The following ABCG2 variants were observed in gnomAD, a reference collection of about 807,000 sequenced individuals.
ABCG2 encodes ATP binding cassette subfamily G member 2 (JR blood group), also known as broad substrate specificity ATP-binding cassette transporter ABCG2.
A neutral mutation model predicts 73.5 loss-of-function variants in ABCG2; 80 were observed. That is an observed-to-expected ratio of 1.09 (90% CI 0.91 to 1.31). The LOEUF (loss-of-function observed/expected upper bound fraction) is 1.31, where lower values mean the gene tolerates loss of function less well. Ranked by LOEUF, ABCG2 falls within the 50% of genes most tolerant of loss-of-function variation. The pLI is 0.00. For synonymous variants in ABCG2, 269 were observed against 282.4 expected (o/e 0.95, Z 0.48); for missense variants, 796 against 786.2 (o/e 1.01, Z -0.15).
In ABCG2 at chr4:88,099,310, T is replaced by C. The variant is rs1722223255; in HGVS notation, c.1492+14A>G. 2 of 1,568,276 alleles carry C rather than the reference T, an allele frequency of 1.3e-6. No individual in the cohort carries two copies. Among genetic ancestry groups the C allele is most frequent in the South Asian group, 1.2e-5 (1 of 82,478 alleles). On this transcript the variant is annotated intron_variant, in intron 12 of 15. Coordinates refer to ENST00000237612, the MANE Select transcript of ABCG2 (RefSeq NM_004827.3). ...ACTAAAGACATGTCCTTTTTTGTTT[T>C]GTTACATACTTACCTAACATGAAGT...
rs182362499 is a variant in ABCG2 at position 88,210,337 on chromosome 4, A to G, written c.-20+20657T>C. 1.4e-3 allele frequency among the ~76,000 whole-genome samples: 218 copies of G among 152,068 alleles called. 2 individuals are homozygous for G. The highest frequency in any genetic ancestry group is 5.1e-3 in the African/African-American group (211 of 41,488). ...CCAGTGGCTGGGACTGGAGGCAGGC[A>G]CCATTGTGCCTGGCTAGTAATGCAA... is the stretch of plus-strand genomic sequence containing the variant. On this transcript the variant is annotated intron_variant, in intron 1 of 15. Transcript: ENST00000515655.
chr4:88,131,876 A>T lies in ABCG2; in HGVS notation c.305T>A (p.Leu102Ter). 6.2e-7 allele frequency: 1 copy of T among 1,614,004 alleles called. No homozygotes were observed. Among genetic ancestry groups the T allele is most frequent in the Non-Finnish European group, 8.5e-7 (1 of 1,179,944 alleles). ...TCCATTTATCAGAACATCTCCAGAT[A>T]ATCCACTTGGATCTTTCCTTGCAGC... ...VLAARKDPSG[L>*]SGDVLINGAP... Residue 102 changes from leucine to a stop codon, truncating the protein, a stop_gained, in exon 4 of 16, where the codon TTA (leucine) becomes TAA (stop). Coordinates refer to ENST00000237612, the MANE Select transcript of ABCG2 (RefSeq NM_004827.3). LOFTEE classifies it high-confidence loss of function.
intron 1 of ABCG2, among the ~76,000 whole-genome samples, chr4:88,219,228 CTTTT>C (rs920224259): frequency 6.6e-6 from 1 of 152,200 alleles, no homozygotes; most frequent in Non-Finnish European, 1.5e-5. Context: ...GGAGCCCTTT[CTTTT>C]TTCTCAGTAC....
chr4:88,169,282 G>C (rs1177747725), intron 1 of ABCG2, among the ~76,000 whole-genome samples: 2 of 152,128 alleles, frequency 1.3e-5, no homozygotes, highest in Admixed American at 6.5e-5. Flanking sequence ...CTGACCTCAT[G>C]ATCCACCCGT....
chr4:88,183,462 A>G (rs1265552611), intron 1 of ABCG2, among the ~76,000 whole-genome samples: 1 of 152,146 alleles, frequency 6.6e-6, no homozygotes, highest in African/African-American at 2.4e-5. Flanking sequence ...ATAAATTGGA[A>G]AACCTAGAAG....
chr4:88,108,490 C>T (rs1722908449), intron 9 of ABCG2, among the ~76,000 whole-genome samples: 1 of 152,088 alleles, frequency 6.6e-6, no homozygotes, highest in South Asian at 2.1e-4. Context: ...CAAGATCATA[C>T]CACTGCACTC....
intron 1 of ABCG2, among the ~76,000 whole-genome samples, chr4:88,196,576 G>T (rs1728946911): frequency 6.6e-6 from 1 of 152,090 alleles, no homozygotes; most frequent in South Asian, 2.1e-4. Context: ...AAGTTTGCTT[G>T]TGGAAGAAAC....
At chr4:88,211,357 T>TA (rs1560460419) in intron 1 of ABCG2, among the ~76,000 whole-genome samples, 4 of 18,918 alleles carry the variant, frequency 2.1e-4, no homozygotes, top group Non-Finnish European at 2.4e-4. Context: ...GTTCAACCCC[T>TA]GCCCCACCCC....
intron 13 of ABCG2, 23 bp from the exon 14 acceptor site, chr4:88,095,632 G>A: frequency 6.3e-7 from 1 of 1,581,000 alleles, no homozygotes; most frequent in South Asian, 1.1e-5. Context: ...AATACTAAAA[G>A]TCAGGCCTGC....
In ABCG2 at chr4:88,097,455, T is replaced by A. The variant is rs1292292377; in HGVS notation, c.1645A>T (p.Met549Leu). ...GAGCAAACACAGTTCAGACTCACCATCATAAACACAAAACAGATGGTCATG... is the reference window on the plus strand; with the variant it reads ...GAGCAAACACAGTTCAGACTCACCAACATAAACACAAAACAGATGGTCATG... ...LLMTICFVFM[M>L]IFSGLLVNLT... is the part of the protein sequence containing the mutation. Residue 549 changes from methionine to leucine, a missense_variant and splice_region_variant, in exon 13 of 16, where the codon ATG (methionine) becomes TTG (leucine). By Grantham distance (15) the Met-to-Leu change is conservative. Coordinates refer to ENST00000237612, the MANE Select transcript of ABCG2 (RefSeq NM_004827.3). The A allele has an allele frequency of 6.2e-7, 1 of 1,613,994 alleles. No individual in the cohort carries two copies. The highest frequency in any genetic ancestry group is 1.3e-5 in the African/African-American group (1 of 75,052).
intron 5 of ABCG2, among the ~76,000 whole-genome samples, chr4:88,124,372 T>C (rs1215633962): frequency 1.3e-5 from 2 of 151,984 alleles, no homozygotes; most frequent in Non-Finnish European, 2.9e-5. Context: ...GACTAGCAAA[T>C]TGGATAAAGA....
At chr4:88,121,227 C>T (rs1481919127) in intron 6 of ABCG2, among the ~76,000 whole-genome samples, 2 of 151,626 alleles carry the variant, frequency 1.3e-5, no homozygotes, top group African/African-American at 2.4e-5. Context: ...AAAGGCCCAA[C>T]AGGAGGAAGC....
chr4:88,150,002 G>GA (rs35423223), intron 1 of ABCG2, among the ~76,000 whole-genome samples: 1 of 151,636 alleles, frequency 6.6e-6, no homozygotes, highest in East Asian at 2.0e-4. Context: ...GTGCTACGGA[G>GA]AAAAAAAATT....
chr4:88,114,819 C>T, intron 8 of ABCG2, 138 bp downstream of exon 8: 1 of 554,040 alleles, frequency 1.8e-6, no homozygotes, highest in South Asian at 2.7e-5. Flanking sequence ...TCACAGACAA[C>T]AAAATATTTG....
intron 1 of ABCG2, among the ~76,000 whole-genome samples, chr4:88,141,823 C>T (rs1057136368): frequency 6.6e-6 from 1 of 151,992 alleles, no homozygotes; most frequent in Non-Finnish European, 1.5e-5. Context: ...GAAACAGACC[C>T]ACAAGTAATC....
chr4:88,128,506 A>G (rs1186388855), intron 5 of ABCG2, among the ~76,000 whole-genome samples: 1 of 152,230 alleles, frequency 6.6e-6, no homozygotes, highest in Non-Finnish European at 1.5e-5. Flanking sequence ...ACAATAGCAA[A>G]GACTTGGAAC....
In ABCG2 at chr4:88,140,151, C is replaced by T. The variant is rs140134788; in HGVS notation, c.-19-137G>A. 141 of 727,448 alleles carry T rather than the reference C, an allele frequency of 1.9e-4. No homozygotes were observed. The East Asian group carries it at 3.0e-3, about 16-fold the overall frequency. 45.1% of individuals were successfully genotyped at this position (727,448 alleles called of 1,614,324 possible). ...CTTCATTTCCAATGAATGGCCCATACCATTGTGATAAGAACATCCTAAAAA... is the reference window on the plus strand; with the variant it reads ...CTTCATTTCCAATGAATGGCCCATATCATTGTGATAAGAACATCCTAAAAA... On this transcript the variant is annotated intron_variant, in intron 1 of 15. Transcript: ENST00000237612.
chr4:88,231,278 C>A (rs1334731718), exon 1 of ABCG2: 2 of 152,116 alleles, frequency 1.3e-5, no homozygotes, highest in African/African-American at 4.8e-5. Context: ...GGAAATGTCC[C>A]GAGTGAAATT....
intron 1 of ABCG2, among the ~76,000 whole-genome samples, chr4:88,144,093 C>T (rs1725812729): frequency 2.0e-5 from 3 of 152,178 alleles, no homozygotes; most frequent in Admixed American, 6.5e-5. Context: ...CATCACACAA[C>T]GAGATGTCCC....
Sources: gnomAD v4.1 joint callset for allele counts (sites outside exome capture counted in the v4.1 genomes callset) on GRCh38, gnomAD v4.1.1 for gene constraint, MANE v1.5 for transcripts, NCBI Gene and HGNC (gene_info 2026-07-23, HGNC 2026-07-21) for gene names.